Variants in ATG3 observed in about 807,000 individuals in gnomAD.
ATG3 encodes the protein autophagy related 3.
Under a neutral mutation model 50.7 loss-of-function variants are expected in ATG3, and 25 were observed. The observed-to-expected ratio is 0.49, with a 90% confidence interval of 0.36 to 0.69. The LOEUF is 0.69. ATG3 is among the 30% of genes least tolerant of loss of function. The pLI is 0.00. For missense variants in ATG3, 281 were observed against 376.0 expected (o/e 0.75, Z 2.09); for synonymous variants, 119 against 125.5 (o/e 0.95, Z 0.34).
intron 11 of ATG3, chr3:112,533,280 T>C: frequency 1.0e-6 from 1 of 984,920 alleles, no homozygotes; most frequent in Non-Finnish European, 1.2e-6. Context: ...TTCTGAAATT[T>C]TTTTATGTTC....
intron 7 of ATG3, among the ~76,000 whole-genome samples, chr3:112,538,690 C>T (rs1186107110): frequency 2.0e-5 from 3 of 152,172 alleles, no homozygotes; most frequent in Non-Finnish European, 2.9e-5. Flanking sequence ...TAAAATCAAA[C>T]GCTGCAGTAA....
In ATG3 at chr3:112,561,647, C is replaced by T; in HGVS notation, c.-119G>A. The T allele has an allele frequency of 2.9e-6, 3 of 1,038,908 alleles. No individual in the cohort carries two copies. In the South Asian group the frequency reaches 4.3e-5, roughly 15 times the overall value. 64.4% of individuals were successfully genotyped at this position (1,038,908 alleles called of 1,614,324 possible). ...ACTCGCATCAGCACCCGGCTGGCAGCACCCGAGGGGACGGGACGCGACGCG... is the reference window on the plus strand; with the variant it reads ...ACTCGCATCAGCACCCGGCTGGCAGTACCCGAGGGGACGGGACGCGACGCG... On this transcript the variant is annotated 5_prime_UTR_variant, in exon 1 of 12. Transcript: ENST00000283290.
chr3:112,543,110 A>G (rs1328268156), intron 6 of ATG3, among the ~76,000 whole-genome samples: 1 of 152,114 alleles, frequency 6.6e-6, no homozygotes, highest in African/African-American at 2.4e-5. Flanking sequence ...CCCCAGTAAC[A>G]AATCTAGAAA....
At chr3:112,541,539 G>A (rs960747842) in intron 7 of ATG3, among the ~76,000 whole-genome samples, 13 of 152,262 alleles carry the variant, frequency 8.5e-5, no homozygotes, top group East Asian at 3.9e-4. Context: ...TCTTGCAGCC[G>A]TATCCAGTAT....
chr3:112,534,027 T>C, intron 11 of ATG3: 1 of 1,227,660 alleles, frequency 8.1e-7, no homozygotes, highest in Non-Finnish European at 1.0e-6. Context: ...TCTAAATTAG[T>C]AGTTACCTCT....
At chr3:112,536,694 G>T in intron 9 of ATG3, 92 bp from the exon 10 acceptor site, 1 of 1,382,108 alleles carries the variant, frequency 7.2e-7, no homozygotes, top group Non-Finnish European at 1.0e-6. Context: ...GACTGAGGTG[G>T]GCGGATCACA....
Position 112,550,268 on chromosome 3 carries a change from A to G in ATG3, c.165-6T>C, listed in dbSNP as rs1369191322. ...TCAATTCTTCCCCTGTAGCCCTTTA[A>G]AAACAGTGAAAAGCACCAAAATACA... On this transcript the variant is annotated splice_polypyrimidine_tract_variant and splice_region_variant and intron_variant, in intron 3 of 11. Transcript: ENST00000283290. 6.2e-7 allele frequency: 1 copy of G among 1,606,034 alleles called. No homozygotes were observed. Among genetic ancestry groups the G allele is most frequent in the South Asian group, 1.1e-5 (1 of 89,948 alleles).
chr3:112,548,765 T>C (rs554110743), intron 4 of ATG3, 125 bp from the exon 5 acceptor site: 1 of 755,520 alleles, frequency 1.3e-6, no homozygotes, highest in South Asian at 1.7e-5. Flanking sequence ...AGTGAATATT[T>C]CACTTTTAAA....
intron 7 of ATG3, among the ~76,000 whole-genome samples, chr3:112,540,950 T>C (rs540744708): frequency 1.3e-5 from 2 of 152,334 alleles, no homozygotes; most frequent in African/African-American, 4.8e-5. Context: ...TGAATAACCA[T>C]GTGCTCACAG....
At chr3:112,546,231 A>G (rs1182115369) in intron 5 of ATG3, among the ~76,000 whole-genome samples, 2 of 152,246 alleles carry the variant, frequency 1.3e-5, no homozygotes, top group Non-Finnish European at 2.9e-5. Context: ...GTCCTCACTT[A>G]TCTGTGGGGA....
chr3:112,551,915 C>T (rs1933540548), intron 3 of ATG3, among the ~76,000 whole-genome samples: 1 of 151,844 alleles, frequency 6.6e-6, no homozygotes, highest in African/African-American at 2.4e-5. Context: ...GAGAAAAATA[C>T]ATAAAAACAA....
intron 3 of ATG3, among the ~76,000 whole-genome samples, chr3:112,552,733 C>T (rs936144684): frequency 1.3e-5 from 2 of 151,344 alleles, no homozygotes; most frequent in Non-Finnish European, 2.9e-5. Flanking sequence ...TCACTGCAAG[C>T]TCCACCTCCC....
chr3:112,558,211 T>G, intron 2 of ATG3, 165 bp downstream of exon 2: 1 of 585,820 alleles, frequency 1.7e-6, no homozygotes, highest in Non-Finnish European at 3.1e-6. Flanking sequence ...GGAAGTTACA[T>G]CTTTTCTTCT....
At position 112,533,202 on chromosome 3, in the gene ATG3, T is replaced by C. The variant is rs1481050591; in HGVS notation, c.864-422A>G. On this transcript the variant is annotated intron_variant, in intron 11 of 11. Transcript: ENST00000283290. ...AAAATTAAATAAAAATCCTGTATAG[T>C]AGACTGATTCTAGGTTAGTGTATGT... The C allele has an allele frequency of 9.1e-6, 9 of 985,850 alleles. No homozygotes were observed. In the East Asian group the frequency reaches 5.7e-4, roughly 62 times the overall value. The allele number at this position is 985,850 out of a possible 1,614,324, so 61.1% of individuals were successfully genotyped here. A position where few individuals can be genotyped will look rare whatever the true frequency, so the allele number is the denominator to read the frequency against.
At chr3:112,536,291 G>GTT (rs34127416) in intron 10 of ATG3, 184 bp downstream of exon 10, 41 of 653,470 alleles carry the variant, frequency 6.3e-5, no homozygotes, top group Middle Eastern at 4.6e-4. Flanking sequence ...AAATTGGTAA[G>GTT]TTTTTTTTCC....
chr3:112,549,798 C>CAAAAAAAAA (rs71631400), intron 4 of ATG3, among the ~76,000 whole-genome samples: 1 of 116,802 alleles, frequency 8.6e-6, no homozygotes. Flanking sequence ...TCAAAACAAC[C>CAAAAAAAAA]AAAAAAAAAA....
intron 5 of ATG3, among the ~76,000 whole-genome samples, chr3:112,546,845 G>C (rs536094930): frequency 6.6e-6 from 1 of 152,138 alleles, no homozygotes; most frequent in South Asian, 2.1e-4. Context: ...TGGGGCGGGG[G>C]GAAAGAAGGA....
intron 5 of ATG3, among the ~76,000 whole-genome samples, chr3:112,546,315 G>C (rs1476893280): frequency 6.6e-6 from 1 of 152,164 alleles, no homozygotes; most frequent in Non-Finnish European, 1.5e-5. Context: ...GTACATGACA[G>C]TCGACCTGAT....
At chr3:112,553,138 G>A (rs1325149355) in intron 3 of ATG3, 142 bp downstream of exon 3, 2 of 675,764 alleles carry the variant, frequency 3.0e-6, no homozygotes, top group Non-Finnish European at 5.2e-6. Context: ...TTTTGAAGGG[G>A]CATTGTTTAA....
Sources: allele counts gnomAD v4.1 joint callset (sites outside exome capture counted in the v4.1 genomes callset), GRCh38; gene constraint gnomAD v4.1.1; transcripts MANE v1.5; gene names NCBI Gene and HGNC (gene_info 2026-07-23, HGNC 2026-07-21).